The following TMTC2 variants were observed in gnomAD, a reference collection of about 807,000 sequenced individuals.
The protein encoded by TMTC2 is transmembrane O-mannosyltransferase targeting cadherins 2.
A neutral mutation model predicts 82.4 loss-of-function variants in TMTC2; 43 were observed. The ratio of observed to expected loss-of-function variants is 0.52; its 90% CI spans 0.41 to 0.67. The LOEUF is 0.67. Among genes scored for constraint, TMTC2 ranks in the 30% least tolerant of loss-of-function variants. TMTC2 has a pLI of 0.00. For synonymous variants in TMTC2, 408 were observed against 381.9 expected, an observed-to-expected ratio of 1.07 and a Z score of -0.80; for missense variants, 919 against 1,012.4, an observed-to-expected ratio of 0.91 and a Z score of 1.25.
At chr12:82,993,840 G>A (rs905578963) in intron 8 of TMTC2, among the ~76,000 whole-genome samples, 5 of 152,108 alleles carry the variant, frequency 3.3e-5, no homozygotes, top group Non-Finnish European at 5.9e-5. Flanking sequence ...TTAGAGAAAC[G>A]GGGGAGATAC....
intron 7 of TMTC2, among the ~76,000 whole-genome samples, chr12:82,971,729 A>T (rs1259024778): frequency 6.6e-6 from 1 of 151,874 alleles, no homozygotes; most frequent in South Asian, 2.1e-4. Context: ...GGCATAATGT[A>T]TTATACGGAG....
At chr12:82,751,202 C>T (rs1347319712) in intron 1 of TMTC2, among the ~76,000 whole-genome samples, 1 of 152,066 alleles carries the variant, frequency 6.6e-6, no homozygotes, top group East Asian at 1.9e-4. Flanking sequence ...GAATACTATG[C>T]AGCTATAAAA....
At chr12:82,958,544 A>T (rs1321846383) in intron 4 of TMTC2, among the ~76,000 whole-genome samples, 1 of 152,116 alleles carries the variant, frequency 6.6e-6, no homozygotes, top group African/African-American at 2.4e-5. Flanking sequence ...AATCAAAAAA[A>T]TGTGATTCGC....
At chr12:82,880,585 A>C (rs547838096) in intron 2 of TMTC2, among the ~76,000 whole-genome samples, 1 of 152,304 alleles carries the variant, frequency 6.6e-6, no homozygotes, top group South Asian at 2.1e-4. Flanking sequence ...CCCTTTGCTT[A>C]ATCCGAATTT....
chr12:82,729,073 A>G (rs1450256207), intron 1 of TMTC2, among the ~76,000 whole-genome samples: 2 of 152,332 alleles, frequency 1.3e-5, no homozygotes, highest in Admixed American at 6.5e-5. Flanking sequence ...CCAGGTGCCC[A>G]GTCCCATCGA....
At chr12:82,830,587 T>C (rs1869695856) in intron 1 of TMTC2, among the ~76,000 whole-genome samples, 1 of 152,184 alleles carries the variant, frequency 6.6e-6, no homozygotes, top group Non-Finnish European at 1.5e-5. Flanking sequence ...GAAGATACAC[T>C]GTATGTCTTC....
chr12:83,113,804 TC>T (rs1226474554), intron 11 of TMTC2, among the ~76,000 whole-genome samples: 4 of 152,214 alleles, frequency 2.6e-5, no homozygotes, highest in African/African-American at 9.6e-5. Flanking sequence ...TTACTTTTAG[TC>T]CCTGGAAAGA....
At chr12:82,935,764 A>T (rs1413208397) in intron 4 of TMTC2, among the ~76,000 whole-genome samples, 1 of 152,124 alleles carries the variant, frequency 6.6e-6, no homozygotes, top group African/African-American at 2.4e-5. Context: ...TATCTTACCT[A>T]ATGGAAGAAT....
chr12:82,975,718 T>C (rs1421071862), intron 7 of TMTC2, among the ~76,000 whole-genome samples: 1 of 127,068 alleles, frequency 7.9e-6, no homozygotes, highest in Non-Finnish European at 1.6e-5. Flanking sequence ...AAAGGATCTG[T>C]GTGGAGTTGA....
At chr12:82,827,211 A>G (rs949942062) in intron 1 of TMTC2, among the ~76,000 whole-genome samples, 1 of 152,192 alleles carries the variant, frequency 6.6e-6, no homozygotes, top group Admixed American at 6.5e-5. Flanking sequence ...AAGTAACTAT[A>G]GTAAGCTGGT....
At chr12:82,752,018 T>TG (rs1389165534) in intron 1 of TMTC2, among the ~76,000 whole-genome samples, 1 of 152,190 alleles carries the variant, frequency 6.6e-6, no homozygotes, top group Non-Finnish European at 1.5e-5. Flanking sequence ...CATTTTTATA[T>TG]GGGAAAAATG....
chr12:82,966,902 T>C lies in TMTC2; in HGVS notation c.1870-17T>C, dbSNP rs771010716. The C allele has an allele frequency of 6.3e-7, 1 of 1,576,010 alleles. No homozygotes were observed. Among genetic ancestry groups the C allele is most frequent in the Non-Finnish European group, 8.7e-7 (1 of 1,154,000 alleles). ...CTTTATTGATGATTTATCTATTTTT[T>C]TTGTTTTATAAATTAGGAAGCCCTT... On this transcript the variant is annotated splice_polypyrimidine_tract_variant and intron_variant, in intron 6 of 11. Transcript: ENST00000321196.
intron 1 of TMTC2, among the ~76,000 whole-genome samples, chr12:82,771,645 T>C (rs1043809961): frequency 6.6e-6 from 1 of 152,210 alleles, no homozygotes; most frequent in Non-Finnish European, 1.5e-5. Context: ...ATAACTGTAA[T>C]GTAAATTATA....
chr12:82,906,392 CG>C (rs1874309027), intron 3 of TMTC2, among the ~76,000 whole-genome samples: 1 of 152,148 alleles, frequency 6.6e-6, no homozygotes, highest in Non-Finnish European at 1.5e-5. Context: ...AGGCCAGACA[CG>C]GTGGCTCAAG....
intron 8 of TMTC2, among the ~76,000 whole-genome samples, chr12:83,006,219 C>T (rs1055616230): frequency 1.3e-4 from 20 of 152,132 alleles, no homozygotes; most frequent in African/African-American, 4.8e-4. Flanking sequence ...CTCTTAGTTT[C>T]CTCTCTCTTT....
intron 4 of TMTC2, among the ~76,000 whole-genome samples, chr12:82,961,711 C>T (rs934067457): frequency 2.6e-5 from 4 of 151,998 alleles, no homozygotes; most frequent in African/African-American, 9.7e-5. Context: ...ATTTGGACTC[C>T]AGACCTTTCC....
intron 1 of TMTC2, among the ~76,000 whole-genome samples, chr12:82,791,402 A>G (rs1878463659): frequency 6.6e-6 from 1 of 152,078 alleles, no homozygotes; most frequent in South Asian, 2.1e-4. Flanking sequence ...TATGGAATGA[A>G]TGGTGAAATT....
chr12:82,777,614 A>G (rs1380005013), intron 1 of TMTC2, among the ~76,000 whole-genome samples: 1 of 152,158 alleles, frequency 6.6e-6, no homozygotes, highest in Admixed American at 6.5e-5. Flanking sequence ...TGGTTTTCCC[A>G]ATAAAATGTT....
At chr12:83,077,889 T>TC (rs1306096368) in intron 11 of TMTC2, among the ~76,000 whole-genome samples, 1 of 137,322 alleles carries the variant, frequency 7.3e-6, no homozygotes, top group Non-Finnish European at 1.6e-5. Flanking sequence ...TCTTTTTTTT[T>TC]TTTTTTTTTT....
Sources: gnomAD v4.1 joint callset for allele counts (sites outside exome capture counted in the v4.1 genomes callset) on GRCh38, gnomAD v4.1.1 for gene constraint, MANE v1.5 for transcripts, NCBI Gene and HGNC (gene_info 2026-07-23, HGNC 2026-07-21) for gene names.